NOL10: variants seen among roughly 807,000 people sequenced by gnomAD.
The protein encoded by NOL10 is H_NH0074G24.1.
NOL10 carries 58 observed loss-of-function variants against 103.5 expected under a neutral mutation model. That is an observed-to-expected ratio of 0.56 (90% CI 0.45 to 0.70). The LOEUF (loss-of-function observed/expected upper bound fraction) is 0.70. Ranked by LOEUF, NOL10 falls within the 30% of genes least tolerant of loss-of-function variation. The pLI is 0.00. For missense variants in NOL10, 763 were observed against 807.3 expected, an observed-to-expected ratio of 0.95 and a Z score of 0.67; for synonymous variants, 287 against 282.5, an observed-to-expected ratio of 1.02 and a Z score of -0.16.
intron 12 of NOL10, 23 bp downstream of exon 12, chr2:10,654,458 A>G (rs566091738): frequency 2.7e-6 from 4 of 1,498,618 alleles, no homozygotes; most frequent in African/African-American, 2.8e-5. Flanking sequence ...TGTCTCACTG[A>G]ACGTTCACTA....
At chr2:10,585,737 C>T (rs997010193) in intron 19 of NOL10, among the ~76,000 whole-genome samples, 2 of 152,136 alleles carry the variant, frequency 1.3e-5, no homozygotes, top group Non-Finnish European at 2.9e-5. Context: ...CCTGTGCACA[C>T]CCTCTCCTAT....
rs1338683499 is a variant in NOL10, at chr2:10,619,181, C to G, written c.1027-11870G>C. ...TGTATTTATGAGACAGAGTCTTGTT[C>G]TGTCACCCAGGCTGGAGTACAGTGG... is the stretch of plus-strand genomic sequence containing the variant. On this transcript the variant is annotated intron_variant, in intron 13 of 20. Transcript: ENST00000381685. Among the ~76,000 whole-genome samples the G allele has an allele frequency of 3.9e-5, 6 of 152,164 alleles. No homozygotes were observed. The East Asian group carries it at 1.2e-3, about 29-fold the overall frequency.
At chr2:10,604,730 G>A (rs181670003) in intron 14 of NOL10, 15 of 152,244 alleles carry the variant, frequency 9.9e-5, no homozygotes, top group Admixed American at 6.5e-5. Flanking sequence ...CAAGTGAAGC[G>A]CTTTTCATAG....
intron 12 of NOL10, among the ~76,000 whole-genome samples, chr2:10,651,593 C>T (rs1162742879): frequency 2.6e-5 from 4 of 152,114 alleles, no homozygotes; most frequent in East Asian, 3.8e-4. Flanking sequence ...TCAATGCCCA[C>T]GAGTGGCTAG....
At chr2:10,631,048 A>G (rs993302548) in intron 13 of NOL10, among the ~76,000 whole-genome samples, 1 of 152,240 alleles carries the variant, frequency 6.6e-6, no homozygotes, top group Admixed American at 6.5e-5. Flanking sequence ...ATCTGTCAGT[A>G]TGTCTAATAG....
chr2:10,585,288 A>G (rs1388770282), intron 19 of NOL10, among the ~76,000 whole-genome samples: 1 of 152,250 alleles, frequency 6.6e-6, no homozygotes, highest in Non-Finnish European at 1.5e-5. Flanking sequence ...CAGGACTCCC[A>G]GTAAAACACC....
intron 12 of NOL10, among the ~76,000 whole-genome samples, chr2:10,645,629 G>A (rs1198820279): frequency 1.3e-5 from 2 of 151,318 alleles, no homozygotes; most frequent in East Asian, 1.9e-4. Context: ...CACCTCCTGG[G>A]TTCACGTCAT....
chr2:10,592,248 G>C (rs1213262161), intron 17 of NOL10, among the ~76,000 whole-genome samples: 1 of 152,146 alleles, frequency 6.6e-6, no homozygotes, highest in Non-Finnish European at 1.5e-5. Flanking sequence ...GAGATGGGAG[G>C]GTTAAGAATT....
At chr2:10,588,287 T>C (rs1335383656) in intron 19 of NOL10, among the ~76,000 whole-genome samples, 2 of 152,194 alleles carry the variant, frequency 1.3e-5, no homozygotes, top group Non-Finnish European at 2.9e-5. Context: ...TCAGCAGCAT[T>C]AAGTACATTC....
chr2:10,576,081 G>C (rs1674436207), intron 20 of NOL10, among the ~76,000 whole-genome samples: 1 of 152,190 alleles, frequency 6.6e-6, no homozygotes, highest in African/African-American at 2.4e-5. Context: ...TGATGAGGTA[G>C]TTCTCCAGAG....
intron 13 of NOL10, among the ~76,000 whole-genome samples, chr2:10,637,326 T>A (rs1458149955): frequency 1.2e-4 from 18 of 150,946 alleles, no homozygotes. Context: ...AGACTGCAAA[T>A]ATTCATACAT....
chr2:10,626,669 G>A (rs979431595), intron 13 of NOL10, among the ~76,000 whole-genome samples: 1 of 152,060 alleles, frequency 6.6e-6, no homozygotes, highest in Non-Finnish European at 1.5e-5. Flanking sequence ...CAACGAGATC[G>A]ACTTGGTAAG....
chr2:10,685,088 A>G (rs1682058226), intron 1 of NOL10, among the ~76,000 whole-genome samples: 1 of 152,254 alleles, frequency 6.6e-6, no homozygotes, highest in Non-Finnish European at 1.5e-5. Context: ...AGCCTCAAAT[A>G]TTATGGGTTA....
chr2:10,587,118 T>TACATATATATAC (rs1675104974), intron 19 of NOL10, among the ~76,000 whole-genome samples: 1 of 45,874 alleles, frequency 2.2e-5, no homozygotes, highest in Admixed American at 2.5e-4. Flanking sequence ...TACATATATA[T>TACATATATATAC]ACATATATAT....
intron 13 of NOL10, among the ~76,000 whole-genome samples, chr2:10,638,256 G>C (rs1377583363): frequency 6.6e-6 from 1 of 151,848 alleles, no homozygotes; most frequent in Non-Finnish European, 1.5e-5. Flanking sequence ...CTGCACTCCA[G>C]ACAGGGTGAC....
chr2:10,572,720 T>A (rs189138902), intron 20 of NOL10, among the ~76,000 whole-genome samples: 1 of 152,248 alleles, frequency 6.6e-6, no homozygotes, highest in Non-Finnish European at 1.5e-5. Flanking sequence ...AAAGAATTTT[T>A]AGCTGTTTCC....
At chr2:10,636,060 T>C (rs1266802220) in intron 13 of NOL10, among the ~76,000 whole-genome samples, 2 of 152,086 alleles carry the variant, frequency 1.3e-5, no homozygotes, top group African/African-American at 2.4e-5. Context: ...GCTATTTTTT[T>C]GTATTTTAGT....
At chr2:10,659,144 A>G (rs577452626) in intron 10 of NOL10, 28 bp downstream of exon 10, 2 of 1,473,952 alleles carry the variant, frequency 1.4e-6, no homozygotes, top group African/African-American at 1.4e-5. Context: ...ACCAACTTAC[A>G]TGTGGTTTCC....
chr2:10,605,713 T>G (rs16856528), intron 14 of NOL10, among the ~76,000 whole-genome samples: 5,037 of 152,244 alleles, frequency 0.033, 290 homozygotes, highest in African/African-American at 0.12. Flanking sequence ...GATTTAAGAA[T>G]GTAGGTGAGT....
Sources: gnomAD v4.1 joint callset for allele counts (sites outside exome capture counted in the v4.1 genomes callset) on GRCh38, gnomAD v4.1.1 for gene constraint, MANE v1.5 for transcripts, NCBI Gene and HGNC (gene_info 2026-07-23, HGNC 2026-07-21) for gene names.